Variants in DCAF10 observed in about 807,000 individuals in gnomAD.
The protein encoded by DCAF10 is DDB1 and CUL4 associated factor 10.
A neutral mutation model predicts 51.9 loss-of-function variants in DCAF10; 19 were observed. The ratio of observed to expected loss-of-function variants is 0.37; its 90% CI spans 0.26 to 0.54. The LOEUF (loss-of-function observed/expected upper bound fraction) is 0.54. Among genes scored for constraint, DCAF10 ranks in the 20% least tolerant of loss-of-function variants. DCAF10 has a pLI of 0.87. For synonymous variants in DCAF10, 291 were observed against 297.1 expected (o/e 0.98, Z 0.21); for missense variants, 510 against 730.6 (o/e 0.70, Z 3.48).
At position 37,801,489 on chromosome 9, in the gene DCAF10, C is replaced by T. The variant is rs946984942; in HGVS notation, c.539+84C>T. 1.5e-6 allele frequency: 2 copies of T among 1,329,060 alleles called. No homozygotes were observed. Among genetic ancestry groups the T allele is most frequent in the Middle Eastern group, 2.3e-4 (1 of 4,398 alleles). The allele number at this position is 1,329,060 out of a possible 1,614,324, so 82.3% of individuals were successfully genotyped here. ...ACGGCCGTCCTGGGCTCGCTCCCCG[C>T]GCCCGGGCCGAGGTTAGCGAGGCCG... is the stretch of plus-strand genomic sequence containing the variant. On this transcript the variant is annotated intron_variant, in intron 1 of 6. Transcript: ENST00000377724. This position sits in a 1 kb window ranked among gnomAD's most constrained non-coding sequence, Gnocchi z 5.5.
Position 37,842,085 on chromosome 9 carries a change from A to G in DCAF10, c.654-4A>G. ...ACCAGGGTTTTGTTTTTCTGCTTTT[A>G]TAGATTTCTTGATAACCGGCTGTTT... On this transcript the variant is annotated splice_polypyrimidine_tract_variant and splice_region_variant and intron_variant, in intron 2 of 6. Transcript: ENST00000377724. The G allele has an allele frequency of 6.3e-7, 1 of 1,599,732 alleles. No individual in the cohort carries two copies. The highest frequency in any genetic ancestry group is 8.5e-7 in the Non-Finnish European group (1 of 1,176,362).
intron 1 of DCAF10, among the ~76,000 whole-genome samples, chr9:37,812,081 G>A: frequency 6.6e-6 from 1 of 152,118 alleles, no homozygotes; most frequent in East Asian, 1.9e-4. Context: ...TCAGGAGGCT[G>A]AAGAAGGAGG....
At chr9:37,852,590 C>G (rs1830687867) in intron 3 of DCAF10, among the ~76,000 whole-genome samples, 1 of 147,156 alleles carries the variant, frequency 6.8e-6, no homozygotes, top group African/African-American at 2.6e-5. Flanking sequence ...AGAGGGAGAC[C>G]CAGTCTCTTA....
chr9:37,804,356 A>G (rs965198609), intron 1 of DCAF10, among the ~76,000 whole-genome samples: 12 of 152,254 alleles, frequency 7.9e-5, no homozygotes, highest in Admixed American at 5.2e-4. Context: ...ATAATAGCTG[A>G]GAACTTTCCA....
chr9:37,820,054 A>C (rs1227428033), intron 2 of DCAF10, among the ~76,000 whole-genome samples: 1 of 152,254 alleles, frequency 6.6e-6, no homozygotes, highest in East Asian at 1.9e-4. Context: ...ACAGTAGTTA[A>C]AATGGATGGA....
chr9:37,844,443 G>A (rs954481808), intron 3 of DCAF10, among the ~76,000 whole-genome samples: 4 of 152,228 alleles, frequency 2.6e-5, no homozygotes, highest in Non-Finnish European at 5.9e-5. Flanking sequence ...CTGAGGTCAG[G>A]AGTTTGAGAC....
intron 3 of DCAF10, among the ~76,000 whole-genome samples, chr9:37,850,422 T>G (rs771002575): frequency 6.6e-6 from 1 of 152,130 alleles, no homozygotes; most frequent in Non-Finnish European, 1.5e-5. Flanking sequence ...TGTTGTAATA[T>G]ACACAGCAAA....
Position 37,862,657 on chromosome 9 carries a change from AAC to A in DCAF10, c.*1152_*1153del, listed in dbSNP as rs751596945. On this transcript the variant is annotated 3_prime_UTR_variant, in exon 7 of 7. Transcript: ENST00000377724. ...GACTTGCCTTTGTGTTTTGTTATGA[AAC>A]ACGCAAGCATAAAGCAGGACTCAAG... 1.1e-4 allele frequency: 16 copies of A among 152,212 alleles called. No individual in the cohort carries two copies. Among genetic ancestry groups the A allele is most frequent in the Non-Finnish European group, 2.1e-4 (14 of 68,042 alleles). The allele number at this position is 152,212 out of a possible 1,614,324, so 9.4% of individuals were successfully genotyped here. A position where few individuals can be genotyped will look rare whatever the true frequency, so the allele number is the denominator to read the frequency against.
intron 2 of DCAF10, among the ~76,000 whole-genome samples, chr9:37,839,573 C>T (rs1484216149): frequency 6.6e-6 from 1 of 152,136 alleles, no homozygotes; most frequent in East Asian, 1.9e-4. Context: ...AAAATAGTTA[C>T]TGGTAATCAC....
rs558245733 is a variant in DCAF10, at chr9:37,866,870, T to G, written c.*5362T>G. 13 of 152,710 alleles carry G rather than the reference T, an allele frequency of 8.5e-5. No homozygotes were observed. The highest frequency in any genetic ancestry group is 2.9e-4 in the African/African-American group (12 of 41,572). 9.5% of individuals were successfully genotyped at this position (152,710 alleles called of 1,614,324 possible). A position where few individuals can be genotyped will look rare whatever the true frequency, so the allele number is the denominator to read the frequency against. ...GGCTCTGTATTTGCAGAGGGGTCTA[T>G]CATGCTTTTAAGAAAAAAGAAGAGT... On this transcript the variant is annotated 3_prime_UTR_variant, in exon 7 of 7. Coordinates refer to ENST00000377724, the MANE Select transcript of DCAF10 (RefSeq NM_024345.5).
chr9:37,852,935 T>C (rs902405387), intron 3 of DCAF10, among the ~76,000 whole-genome samples: 6 of 26,018 alleles, frequency 2.3e-4, no homozygotes, highest in African/African-American at 1.0e-3. Context: ...TGAGGTTATA[T>C]ATATATATAT....
chr9:37,810,873 T>C (rs1829322713), intron 1 of DCAF10, among the ~76,000 whole-genome samples: 1 of 152,122 alleles, frequency 6.6e-6, no homozygotes, highest in African/African-American at 2.4e-5. Flanking sequence ...CCTCACCCAG[T>C]ATACCCTAGG....
chr9:37,800,640 T>C (rs1427284751), upstream of DCAF10: 3 of 1,536,062 alleles, frequency 2.0e-6, no homozygotes, highest in East Asian at 7.3e-5. Context: ...GCTCAGTCGC[T>C]CACACAGGTA....
chr9:37,833,250 A>G (rs1830057772), intron 2 of DCAF10, among the ~76,000 whole-genome samples: 1 of 152,244 alleles, frequency 6.6e-6, no homozygotes, highest in Non-Finnish European at 1.5e-5. Context: ...AATGCCAAAC[A>G]TTTAATTATT....
rs560997619 is a variant in DCAF10, at chr9:37,810,954, A to T, written c.540-8334A>T. 4.6e-5 allele frequency among the ~76,000 whole-genome samples: 7 copies of T among 152,214 alleles called. No homozygotes were observed. The South Asian group carries it at 1.2e-3, about 27-fold the overall frequency. On this transcript the variant is annotated intron_variant, in intron 1 of 6. Coordinates refer to ENST00000377724, the MANE Select transcript of DCAF10 (RefSeq NM_024345.5). ...CCAGCTTCAAATAATCTCATTCCCTACGTAGATTAAGAAGACCTCAGATTG... is the reference window on the plus strand; with the variant it reads ...CCAGCTTCAAATAATCTCATTCCCTTCGTAGATTAAGAAGACCTCAGATTG...
chr9:37,853,542 A>G (rs1321341287), intron 3 of DCAF10, among the ~76,000 whole-genome samples: 1 of 150,830 alleles, frequency 6.6e-6, no homozygotes, highest in African/African-American at 2.5e-5. Context: ...CTCAATATAC[A>G]TTGACTGTAA....
In DCAF10 at chr9:37,855,210, A is replaced by G. The variant is rs528790814; in HGVS notation, c.1054+228A>G. Reference sequence around the variant, plus strand: ...TCTGAATCACAAATGGACTAGGAGGAATAACTGCTGACCCTAAAGTATTTT... The same window carrying G: ...TCTGAATCACAAATGGACTAGGAGGGATAACTGCTGACCCTAAAGTATTTT... On this transcript the variant is annotated intron_variant, in intron 4 of 6. Transcript: ENST00000377724. Among the ~76,000 whole-genome samples, 168 of 152,348 alleles carry G rather than the reference A, an allele frequency of 1.1e-3. 1 individual carries two copies. The highest frequency in any genetic ancestry group is 5.2e-3 in the South Asian group (25 of 4,824).
intron 2 of DCAF10, among the ~76,000 whole-genome samples, chr9:37,840,393 G>A (rs1830297622): frequency 6.6e-6 from 1 of 152,222 alleles, no homozygotes; most frequent in South Asian, 2.1e-4. Flanking sequence ...GGGGCAAGAT[G>A]TGGAGATGGA....
intron 2 of DCAF10, among the ~76,000 whole-genome samples, chr9:37,830,318 A>G (rs1393787700): frequency 6.6e-6 from 1 of 152,250 alleles, no homozygotes; most frequent in African/African-American, 2.4e-5. Context: ...AAACATTACA[A>G]ACATAAGCTT....
Sources: gnomAD v4.1 joint callset for allele counts (sites outside exome capture counted in the v4.1 genomes callset) on GRCh38, gnomAD v4.1.1 for gene constraint, Gnocchi (gnomAD v3.1) non-coding constraint, MANE v1.5 for transcripts, NCBI Gene and HGNC (gene_info 2026-07-23, HGNC 2026-07-21) for gene names.